The following UQCRC2 variants were observed in gnomAD, a reference collection of about 807,000 sequenced individuals.
UQCRC2 encodes the protein ubiquinol-cytochrome c reductase core protein 2.
A neutral mutation model predicts 55.6 loss-of-function variants in UQCRC2; 49 were observed. That is an observed-to-expected ratio of 0.88 (90% CI 0.70 to 1.12). The LOEUF is 1.12. Among genes scored for constraint, UQCRC2 ranks in the 50% most tolerant of loss-of-function variants. UQCRC2 has a pLI of 0.00. For missense variants in UQCRC2, 506 were observed against 547.8 expected (o/e 0.92, Z 0.76); for synonymous variants, 193 against 192.0 (o/e 1.01, Z -0.04).
At chr16:21,959,943 A>T (rs1898162214) in intron 4 of UQCRC2, among the ~76,000 whole-genome samples, 2 of 152,210 alleles carry the variant, frequency 1.3e-5, no homozygotes, top group South Asian at 4.1e-4. Flanking sequence ...CTATAAACAG[A>T]TGTACTATCA....
chr16:21,968,627 GTTACA>G lies in UQCRC2; in HGVS notation c.617_621del (p.His206LeufsTer28). 2 of 1,604,268 alleles carry G rather than the reference GTTACA, an allele frequency of 1.2e-6. No homozygotes were observed. Among genetic ancestry groups the G allele is most frequent in the Non-Finnish European group, 1.7e-6 (2 of 1,175,538 alleles). On this transcript the variant is annotated frameshift_variant and splice_region_variant, in exon 8 of 14. Transcript: ENST00000268379. LOFTEE classifies it high-confidence loss of function. ...CTAATAAGTGTTTTTAACTTCCTCA[GTTACA>G]TTACTTCGTTCAGAACCATTTCACA...
At chr16:21,960,069 T>G (rs182489112) in intron 4 of UQCRC2, among the ~76,000 whole-genome samples, 59 of 152,310 alleles carry the variant, frequency 3.9e-4, no homozygotes, top group African/African-American at 1.3e-3. Flanking sequence ...CCAGCTGCAT[T>G]AGTCCCCAAC....
In UQCRC2 at chr16:21,953,383, T is replaced by G; in HGVS notation, c.-41T>G. 1 of 1,609,376 alleles carries G rather than the reference T, an allele frequency of 6.2e-7. No individual in the cohort carries two copies. The highest frequency in any genetic ancestry group is 2.2e-5 in the East Asian group (1 of 44,760). On this transcript the variant is annotated 5_prime_UTR_variant, in exon 1 of 14. Transcript: ENST00000268379. ...GGCCTCCGCCACCATCTTGCTTTCCTTTAATCCGGCAGTGACCGTGTGTCA... is the reference window on the plus strand; with the variant it reads ...GGCCTCCGCCACCATCTTGCTTTCCGTTAATCCGGCAGTGACCGTGTGTCA...
rs533906231 is a variant in UQCRC2, at chr16:21,964,883, T to TA, written c.515-524dup. On this transcript the variant is annotated intron_variant, in intron 6 of 13. Coordinates refer to ENST00000268379, the MANE Select transcript of UQCRC2 (RefSeq NM_003366.4). ...CCAGGTAATGAGCAACTGAAGGAAATACTGCAGGCAAAAAGGCATTGAAGC... is the reference window on the plus strand; with the variant it reads ...CCAGGTAATGAGCAACTGAAGGAAATAACTGCAGGCAAAAAGGCATTGAAGC... Among the ~76,000 whole-genome samples, 16 of 152,234 alleles carry TA rather than the reference T, an allele frequency of 1.1e-4. No homozygotes were observed. The East Asian group carries it at 2.9e-3, about 28-fold the overall frequency.
At chr16:21,981,726 G>A (rs2141950487) in intron 13 of UQCRC2, among the ~76,000 whole-genome samples, 1 of 152,058 alleles carries the variant, frequency 6.6e-6, no homozygotes, top group Middle Eastern at 3.4e-3. Context: ...TCATGCCACT[G>A]TACTCCAGGC....
At position 21,968,753 on chromosome 16, in the gene UQCRC2, G is replaced by A. The variant is rs375775122; in HGVS notation, c.670+68G>A. On this transcript the variant is annotated intron_variant, in intron 8 of 13. Transcript: ENST00000268379. The stretch of plus-strand genomic sequence containing the variant: ...GAGCAGTTCCTTAAACTGTAATTAC[G>A]TGAACATAGGATTGAACAAAATTTG... 64 of 1,427,488 alleles carry A rather than the reference G, an allele frequency of 4.5e-5. No homozygotes were observed. In the Middle Eastern group the frequency reaches 5.5e-4, roughly 12 times the overall value. The allele number at this position is 1,427,488 out of a possible 1,614,324, so 88.4% of individuals were successfully genotyped here.
intron 7 of UQCRC2, among the ~76,000 whole-genome samples, chr16:21,966,327 C>A (rs1898326667): frequency 6.6e-6 from 1 of 152,070 alleles, no homozygotes; most frequent in Non-Finnish European, 1.5e-5. Flanking sequence ...CGTTTGCTGG[C>A]TATAGGGGTT....
intron 12 of UQCRC2, among the ~76,000 whole-genome samples, chr16:21,978,089 A>G (rs928898252): frequency 2.0e-5 from 3 of 152,194 alleles, no homozygotes; most frequent in Non-Finnish European, 4.4e-5. Flanking sequence ...AGGTATGGTA[A>G]TAAGCAGAAA....
intron 10 of UQCRC2, 120 bp from the exon 11 acceptor site, chr16:21,973,774 TAA>T: frequency 1.3e-6 from 1 of 798,136 alleles, no homozygotes; most frequent in Non-Finnish European, 2.0e-6. Context: ...ACTGGCTAAG[TAA>T]AATATTAATC....
At chr16:21,976,495 C>G (rs1225205767) in intron 12 of UQCRC2, 1 of 371,572 alleles carries the variant, frequency 2.7e-6, no homozygotes, top group East Asian at 5.0e-5. Flanking sequence ...AGTTTGAGAC[C>G]AGCTTGGGCA....
At chr16:21,978,457 G>A (rs1410477969) in intron 12 of UQCRC2, among the ~76,000 whole-genome samples, 1 of 152,164 alleles carries the variant, frequency 6.6e-6, no homozygotes, top group Non-Finnish European at 1.5e-5. Flanking sequence ...TATTTCAAGT[G>A]GATGCTTTTG....
chr16:21,971,255 G>A (rs1255930143), intron 8 of UQCRC2, among the ~76,000 whole-genome samples: 2 of 152,070 alleles, frequency 1.3e-5, no homozygotes, highest in African/African-American at 4.8e-5. Flanking sequence ...AATATCAATA[G>A]AATGATACCA....
intron 13 of UQCRC2, among the ~76,000 whole-genome samples, chr16:21,981,239 C>G (rs1898719564): frequency 6.6e-6 from 1 of 151,966 alleles, no homozygotes; most frequent in Non-Finnish European, 1.5e-5. Flanking sequence ...TATTATTGTT[C>G]CCTACAATAT....
chr16:21,979,286 A>G (rs1188133119), intron 12 of UQCRC2, among the ~76,000 whole-genome samples: 1 of 152,214 alleles, frequency 6.6e-6, no homozygotes, highest in African/African-American at 2.4e-5. Context: ...CCAACTTGCC[A>G]TGGATCAATT....
At chr16:21,964,169 A>G (rs1898270217) in intron 6 of UQCRC2, among the ~76,000 whole-genome samples, 1 of 152,194 alleles carries the variant, frequency 6.6e-6, no homozygotes, top group African/African-American at 2.4e-5. Flanking sequence ...TTGGTGTCAC[A>G]GAGGAGCATT....
At chr16:21,971,861 A>C (rs1898470141) in intron 9 of UQCRC2, 62 bp from the exon 10 acceptor site, 1 of 1,602,928 alleles carries the variant, frequency 6.2e-7, no homozygotes, top group South Asian at 1.1e-5. Context: ...GAAATACTGG[A>C]GAATGAAACC....
At chr16:21,961,884 C>T (rs1488599452) in intron 4 of UQCRC2, among the ~76,000 whole-genome samples, 2 of 151,550 alleles carry the variant, frequency 1.3e-5, no homozygotes, top group Admixed American at 6.6e-5. Flanking sequence ...AACTCCTGAC[C>T]TCAAGTGATC....
chr16:21,982,700 C>T (rs772201305), intron 13 of UQCRC2, among the ~76,000 whole-genome samples: 5 of 152,202 alleles, frequency 3.3e-5, no homozygotes, highest in Non-Finnish European at 5.9e-5. Flanking sequence ...GTTGGTGGCT[C>T]ACGCCTGTAA....
intron 1 of UQCRC2, among the ~76,000 whole-genome samples, chr16:21,956,373 A>G (rs897385129): frequency 5.9e-5 from 9 of 152,162 alleles, no homozygotes; most frequent in East Asian, 1.9e-4. Flanking sequence ...GTGAAACGCC[A>G]TCTCTACTAA....
Sources: gnomAD v4.1 joint callset for allele counts (sites outside exome capture counted in the v4.1 genomes callset) on GRCh38, gnomAD v4.1.1 for gene constraint, MANE v1.5 for transcripts, NCBI Gene and HGNC (gene_info 2026-07-23, HGNC 2026-07-21) for gene names.